The following PPM1E variants were observed in gnomAD, a reference collection of about 807,000 sequenced individuals.
The protein encoded by PPM1E is protein phosphatase 1E.
PPM1E carries 20 observed loss-of-function variants against 65.9 expected under a neutral mutation model. The observed-to-expected ratio is 0.30, with a 90% CI of 0.21 to 0.44. The LOEUF (loss-of-function observed/expected upper bound fraction) is 0.44, where lower values mean the gene tolerates loss of function less well. PPM1E is among the 20% of genes least tolerant of loss of function. The probability of loss-of-function intolerance (pLI) is 1.00; values close to 1 mark genes in which losing one functional copy is unlikely to be tolerated. For missense variants in PPM1E, 713 were observed against 953.1 expected, an observed-to-expected ratio of 0.75 and a Z score of 3.32; for synonymous variants, 352 against 374.9, an observed-to-expected ratio of 0.94 and a Z score of 0.70.
chr17:58,870,404 A>G (rs1478987038), intron 1 of PPM1E, among the ~76,000 whole-genome samples: 1 of 152,076 alleles, frequency 6.6e-6, no homozygotes, highest in Non-Finnish European at 1.5e-5. Flanking sequence ...ATATTGTGTG[A>G]TGCTGAGGTT....
intron 1 of PPM1E, among the ~76,000 whole-genome samples, chr17:58,912,280 C>T (rs1442268963): frequency 6.6e-6 from 1 of 152,126 alleles, no homozygotes; most frequent in Non-Finnish European, 1.5e-5. Context: ...AAACCAAGGA[C>T]AAGGACATTA....
At chr17:58,906,036 C>T (rs2051554344) in intron 1 of PPM1E, among the ~76,000 whole-genome samples, 1 of 152,084 alleles carries the variant, frequency 6.6e-6, no homozygotes, top group African/African-American at 2.4e-5. Flanking sequence ...TAATTCTTGG[C>T]AGATTGAGTC....
intron 1 of PPM1E, among the ~76,000 whole-genome samples, chr17:58,863,965 A>G (rs1333257161): frequency 6.6e-6 from 1 of 151,692 alleles, no homozygotes; most frequent in Non-Finnish European, 1.5e-5. Context: ...GAGAACATTT[A>G]GGTGGGGAAA....
intron 1 of PPM1E, among the ~76,000 whole-genome samples, chr17:58,801,440 CTTTT>C (rs35970989): frequency 2.0e-5 from 2 of 101,140 alleles, no homozygotes; most frequent in Admixed American, 1.0e-4. Context: ...CCCCTTCAGT[CTTTT>C]TTTTTTTTTT....
chr17:58,912,895 G>T (rs1567873093), intron 1 of PPM1E, among the ~76,000 whole-genome samples: 1 of 152,130 alleles, frequency 6.6e-6, no homozygotes, highest in Admixed American at 6.6e-5. Flanking sequence ...ACCCAGAAAG[G>T]ACTGGGTTCA....
chr17:58,835,718 A>C (rs749049555), intron 1 of PPM1E, among the ~76,000 whole-genome samples: 47 of 151,662 alleles, frequency 3.1e-4, no homozygotes, highest in Admixed American at 5.9e-4. Context: ...AATTTTAAAA[A>C]ATTAGCCGTG....
intron 6 of PPM1E, among the ~76,000 whole-genome samples, chr17:58,975,035 GA>G (rs2030908558): frequency 6.6e-6 from 1 of 152,132 alleles, no homozygotes; most frequent in Admixed American, 6.5e-5. Context: ...TATTGGTGGG[GA>G]AAAGTCTTTA....
chr17:58,970,753 C>T (rs1050657963), intron 4 of PPM1E, among the ~76,000 whole-genome samples: 3 of 151,982 alleles, frequency 2.0e-5, no homozygotes, highest in African/African-American at 7.3e-5. Context: ...GAGAATAAAG[C>T]CACTCTTGAC....
chr17:58,801,373 T>G (rs1039004589), intron 1 of PPM1E, among the ~76,000 whole-genome samples: 8 of 152,102 alleles, frequency 5.3e-5, no homozygotes, highest in African/African-American at 1.9e-4. Flanking sequence ...CCTTATGAAT[T>G]AACCATTTTA....
chr17:58,860,744 G>A (rs1006410532), intron 1 of PPM1E, among the ~76,000 whole-genome samples: 3 of 152,234 alleles, frequency 2.0e-5, no homozygotes, highest in South Asian at 2.1e-4. Flanking sequence ...AGGAATTCGC[G>A]ACCAGTTTGA....
At chr17:58,851,707 C>A in intron 1 of PPM1E, among the ~76,000 whole-genome samples, 1 of 152,222 alleles carries the variant, frequency 6.6e-6, no homozygotes, top group East Asian at 1.9e-4. Context: ...AGATGTCTCC[C>A]AGTTAGGCTA....
chr17:58,777,641 C>G (rs1259405724), intron 1 of PPM1E, among the ~76,000 whole-genome samples: 2 of 152,052 alleles, frequency 1.3e-5, no homozygotes, highest in African/African-American at 4.8e-5. Flanking sequence ...GGAACAAGTA[C>G]CTATAAGTAT....
intron 1 of PPM1E, among the ~76,000 whole-genome samples, chr17:58,923,416 CA>C (rs1330922931): frequency 1.3e-5 from 2 of 151,792 alleles, no homozygotes; most frequent in Non-Finnish European, 2.9e-5. Context: ...AGTTTGAGAC[CA>C]ACCTAGGCAA....
chr17:58,906,441 T>A (rs1293753124), intron 1 of PPM1E, among the ~76,000 whole-genome samples: 1 of 152,132 alleles, frequency 6.6e-6, no homozygotes, highest in Non-Finnish European at 1.5e-5. Context: ...CAGGCTCAAG[T>A]GATCCTCCCA....
chr17:58,831,987 T>C (rs559275345), intron 1 of PPM1E, among the ~76,000 whole-genome samples: 13 of 152,324 alleles, frequency 8.5e-5, no homozygotes, highest in African/African-American at 1.7e-4. Flanking sequence ...GGCAGCTCAT[T>C]TCCTCTTTGG....
chr17:58,873,010 T>C (rs1036593735), intron 1 of PPM1E, among the ~76,000 whole-genome samples: 3 of 152,236 alleles, frequency 2.0e-5, no homozygotes, highest in Admixed American at 6.5e-5. Context: ...AGCGGCATGC[T>C]ACTGGCTCAG....
Position 58,972,234 on chromosome 17 carries a change from C to G in PPM1E, c.1075C>G (p.Gln359Glu). 6.2e-7 allele frequency: 1 copy of G among 1,614,058 alleles called. No homozygotes were observed. Among genetic ancestry groups the G allele is most frequent in the Non-Finnish European group, 8.5e-7 (1 of 1,179,992 alleles). Residue 359 changes from glutamine (Q) to glutamate (E), a missense_variant, in exon 5 of 7, where the codon CAA (glutamine) becomes GAA (glutamate). By Grantham distance (29) the Gln-to-Glu change is conservative. Around this residue, in one of 6 missense-constraint regions of PPM1E, gnomAD observed 88 missense variants for 231.1 expected, o/e 0.38. Transcript: ENST00000308249. ...CCAGGTTATGCTTGTGAGAAAGGGC[C>G]AAGCTGTTGAACTAATGAAGCCACA... ...DSQVMLVRKG[Q>E]AVELMKPHKP... is the part of the protein sequence containing the mutation.
At chr17:58,866,249 A>G (rs2051002487) in intron 1 of PPM1E, among the ~76,000 whole-genome samples, 1 of 152,244 alleles carries the variant, frequency 6.6e-6, no homozygotes, top group Non-Finnish European at 1.5e-5. Flanking sequence ...TTTATAGGAC[A>G]TATATTTAAA....
At chr17:58,852,138 A>G (rs2050832699) in intron 1 of PPM1E, among the ~76,000 whole-genome samples, 1 of 152,168 alleles carries the variant, frequency 6.6e-6, no homozygotes. Flanking sequence ...AAAGTGCAGT[A>G]TTAGGGTGGG....
Sources: allele counts gnomAD v4.1 joint callset (sites outside exome capture counted in the v4.1 genomes callset), GRCh38; gene constraint gnomAD v4.1.1; regional missense constraint gnomAD v4.1.1; transcripts MANE v1.5; gene names NCBI Gene and HGNC (gene_info 2026-07-23, HGNC 2026-07-21).